Variants in PLCE1 observed in about 807,000 individuals in gnomAD.
The protein encoded by PLCE1 is 1-phosphatidylinositol 4,5-bisphosphate phosphodiesterase epsilon-1.
Under a neutral mutation model 242.8 loss-of-function variants are expected in PLCE1, and 119 were observed. The ratio of observed to expected loss-of-function variants is 0.49; its 90% CI spans 0.42 to 0.57. PLCE1 has a LOEUF of 0.57. Among genes scored for constraint, PLCE1 ranks in the 20% least tolerant of loss-of-function variants. The pLI, the probability that PLCE1 is intolerant of heterozygous loss-of-function variation, is 0.00. For synonymous variants in PLCE1, 945 were observed against 1,017.4 expected, an observed-to-expected ratio of 0.93 and a Z score of 1.35; for missense variants, 2,441 against 2,788.8, an observed-to-expected ratio of 0.88 and a Z score of 2.81.
In PLCE1 at chr10:94,325,023, G is replaced by C. The variant is rs2053958900; in HGVS notation, c.6852G>C (p.Lys2284Asn). ...QLLTSESIQT[K>N]EEKPVGGLSS... ...TGACCTCAGAAAGTATCCAAACCAA[G>C]GAGGAGAAACCTGTGGGTGGCTTGT... Residue 2284 changes from lysine (K) to asparagine (N), a missense_variant, in exon 32 of 33, where the codon AAG becomes AAC. Physicochemically the swap from Lys to Asn is moderately conservative, Grantham distance 94. Transcript: ENST00000371380. 1 of 1,613,614 alleles carries C rather than the reference G, an allele frequency of 6.2e-7. No individual in the cohort carries two copies. Among genetic ancestry groups the C allele is most frequent in the Non-Finnish European group, 8.5e-7 (1 of 1,180,008 alleles).
intron 2 of PLCE1, among the ~76,000 whole-genome samples, chr10:94,102,063 C>T (rs2045559134): frequency 6.6e-6 from 1 of 152,156 alleles, no homozygotes; most frequent in Non-Finnish European, 1.5e-5. Context: ...GTTTTTTCTC[C>T]TTGGCATTAT....
intron 8 of PLCE1, among the ~76,000 whole-genome samples, chr10:94,248,426 T>C (rs1589416489): frequency 2.0e-5 from 3 of 151,766 alleles, no homozygotes; most frequent in Non-Finnish European, 4.4e-5. Context: ...CATGGCAAAA[T>C]CCCGCCTCTA....
intron 8 of PLCE1, among the ~76,000 whole-genome samples, chr10:94,248,803 G>C (rs2050776830): frequency 6.6e-6 from 1 of 152,100 alleles, no homozygotes; most frequent in Non-Finnish European, 1.5e-5. Context: ...TACAATTCCT[G>C]TCACAAAGTC....
Position 94,262,621 on chromosome 10 carries a change from T to G in PLCE1, c.3942T>G (p.Ile1314Met), listed in dbSNP as rs774088194. The G allele has an allele frequency of 1.9e-6, 3 of 1,613,970 alleles. No individual in the cohort carries two copies. The highest frequency in any genetic ancestry group is 1.7e-6 in the Non-Finnish European group (2 of 1,179,954). ...AASIVTNGTG[I>M]ESTSLGIFGV... The stretch of plus-strand genomic sequence containing the variant: ...GCATTGTGACAAATGGCACTGGGAT[T>G]GAGAGCACATCTCTGGGCATTTTTG... The change falls in exon 14 of 33, where the codon ATT (isoleucine) becomes ATG (methionine). Residue 1314 changes from isoleucine to methionine, a missense_variant. By Grantham distance (10) the Ile-to-Met change is conservative. Around this residue, in one of 5 missense-constraint regions of PLCE1, gnomAD observed 1,004 missense variants for 1,322.7 expected, o/e 0.76. Transcript: ENST00000371380.
Position 94,262,666 on chromosome 10 carries a change from C to T in PLCE1, c.3987C>T (p.Leu1329=), listed in dbSNP as rs2051343887. ...LGIFGVGILQ[L]NDFLVNCQGE... ...TTTTTGGGGTGGGCATACTTCAGCT[C>T]AACGATTTCCTCGTGAATTGCCAAG... is the stretch of plus-strand genomic sequence containing the variant. Residue 1329 remains leucine (L), a synonymous_variant, in exon 14 of 33, where the codon CTC becomes CTT. Transcript: ENST00000371380. 4 of 1,614,088 alleles carry T rather than the reference C, an allele frequency of 2.5e-6. No individual in the cohort carries two copies. The South Asian group carries it at 4.4e-5, about 18-fold the overall frequency.
chr10:94,111,750 A>G (rs2045962665), intron 2 of PLCE1, among the ~76,000 whole-genome samples: 1 of 152,200 alleles, frequency 6.6e-6, no homozygotes, highest in South Asian at 2.1e-4. Flanking sequence ...TTGAATTTCG[A>G]TGGGTAGTAC....
chr10:94,270,009 T>G (rs1277981719), intron 17 of PLCE1, among the ~76,000 whole-genome samples: 1 of 152,232 alleles, frequency 6.6e-6, no homozygotes, highest in Non-Finnish European at 1.5e-5. Flanking sequence ...GTTTCCTATT[T>G]AGCATTCCTA....
intron 2 of PLCE1, among the ~76,000 whole-genome samples, chr10:94,053,030 A>G (rs2043806190): frequency 6.6e-6 from 1 of 152,208 alleles, no homozygotes; most frequent in South Asian, 2.1e-4. Context: ...TGTCCCAAAT[A>G]ACGCTTTTTG....
chr10:94,165,552 C>G (rs2047770622), intron 3 of PLCE1, among the ~76,000 whole-genome samples: 2 of 152,050 alleles, frequency 1.3e-5, no homozygotes, highest in African/African-American at 4.8e-5. Context: ...GCTGTCTTGG[C>G]TCCACCCCCC....
intron 2 of PLCE1, among the ~76,000 whole-genome samples, chr10:94,087,349 C>CAAAAA (rs57482986): frequency 5.9e-5 from 4 of 67,500 alleles, no homozygotes; most frequent in Non-Finnish European, 8.6e-5. Context: ...GACCCTGTCT[C>CAAAAA]AAAAAAAAAA....
intron 4 of PLCE1, among the ~76,000 whole-genome samples, chr10:94,214,524 G>A (rs2049452319): frequency 1.3e-5 from 2 of 152,040 alleles, no homozygotes. Context: ...GTCCAGTGGG[G>A]CCAGGATGAA....
chr10:94,296,321 G>A lies in PLCE1; in HGVS notation c.5168-2058G>A, dbSNP rs746195275. Among the ~76,000 whole-genome samples, 12 of 144,088 alleles carry A rather than the reference G, an allele frequency of 8.3e-5. No individual in the cohort carries two copies. In the South Asian group the frequency reaches 8.7e-4, roughly 10 times the overall value. The allele number at this position is 144,088 out of a possible 152,430, so 94.5% of individuals were successfully genotyped here. ...GCGGAGCTTGCAGTGAGCCAAGATCGCACCACTGCACTCCAACTTGGGCGA... is the reference window on the plus strand; with the variant it reads ...GCGGAGCTTGCAGTGAGCCAAGATCACACCACTGCACTCCAACTTGGGCGA... On this transcript the variant is annotated intron_variant, in intron 23 of 32. Transcript: ENST00000371380.
intron 8 of PLCE1, among the ~76,000 whole-genome samples, chr10:94,251,060 C>A (rs1357226838): frequency 6.6e-6 from 1 of 152,110 alleles, no homozygotes; most frequent in Non-Finnish European, 1.5e-5. Flanking sequence ...GGATCATGTG[C>A]CAATCATTGG....
chr10:94,083,509 G>T (rs566432130), intron 2 of PLCE1, among the ~76,000 whole-genome samples: 1 of 152,222 alleles, frequency 6.6e-6, no homozygotes, highest in African/African-American at 2.4e-5. Flanking sequence ...ATTTGCCCAG[G>T]GTTCCACACT....
chr10:94,127,587 G>A (rs1347904747), intron 2 of PLCE1, among the ~76,000 whole-genome samples: 1 of 152,208 alleles, frequency 6.6e-6, no homozygotes, highest in Non-Finnish European at 1.5e-5. Context: ...CCAGCCCAGT[G>A]TCAGTGAAGG....
intron 2 of PLCE1, among the ~76,000 whole-genome samples, chr10:94,073,573 G>A (rs540166668): frequency 1.5e-4 from 23 of 152,152 alleles, no homozygotes; most frequent in Non-Finnish European, 2.9e-4. Context: ...ATAAATAGAA[G>A]CCAATCGATC....
At chr10:94,180,164 G>A (rs952075663) in intron 4 of PLCE1, among the ~76,000 whole-genome samples, 7 of 152,072 alleles carry the variant, frequency 4.6e-5, no homozygotes, top group Admixed American at 1.3e-4. Flanking sequence ...ATCAAAAGCT[G>A]AGGGACCTTC....
At chr10:94,324,600 A>C in intron 31 of PLCE1, 33 bp downstream of exon 31, 1 of 1,507,188 alleles carries the variant, frequency 6.6e-7, no homozygotes. Flanking sequence ...TCTGTTCTTA[A>C]GTTATCTGAT....
Position 94,259,102 on chromosome 10 carries a change from A to T in PLCE1, c.3766A>T (p.Thr1256Ser). The stretch of plus-strand genomic sequence containing the variant: ...TGGCTCCGAGTCAGCCCCACTCTAC[A>T]CCAACCTGACAATTGATGAAAACAC... ...RSGSESAPLY[T>S]NLTIDENTSD... The change falls in exon 13 of 33, where the codon ACC becomes TCC. Residue 1256 changes from threonine to serine, a missense_variant. Thr to Ser is a moderately conservative substitution (Grantham distance 58). Coordinates refer to ENST00000371380, the MANE Select transcript of PLCE1 (RefSeq NM_016341.4). 6.2e-7 allele frequency: 1 copy of T among 1,613,892 alleles called. No individual in the cohort carries two copies. Among genetic ancestry groups the T allele is most frequent in the Non-Finnish European group, 8.5e-7 (1 of 1,179,934 alleles).
Sources: gnomAD v4.1 joint callset for allele counts (sites outside exome capture counted in the v4.1 genomes callset) on GRCh38, gnomAD v4.1.1 for gene constraint, gnomAD v4.1.1 regional missense constraint, MANE v1.5 for transcripts, NCBI Gene and HGNC (gene_info 2026-07-23, HGNC 2026-07-21) for gene names.